Variants in ATP11B observed in about 807,000 individuals in gnomAD.
ATP11B encodes phospholipid-transporting ATPase IF.
ATP11B carries 81 observed loss-of-function variants against 157.8 expected under a neutral mutation model. The observed-to-expected ratio is 0.51, with a 90% CI of 0.43 to 0.62. ATP11B has a LOEUF of 0.62. Ranked by LOEUF, ATP11B falls within the 20% of genes least tolerant of loss-of-function variation. ATP11B has a pLI of 0.00. For missense variants in ATP11B, 1,165 were observed against 1,402.2 expected (o/e 0.83, Z 2.70); for synonymous variants, 451 against 469.4 (o/e 0.96, Z 0.51).
At position 182,895,504 on chromosome 3, in the gene ATP11B, T is replaced by C. The variant is rs111596193; in HGVS notation, c.2983-1196T>C. Among the ~76,000 whole-genome samples the C allele has an allele frequency of 3.3e-3, 498 of 152,304 alleles. 6 individuals carry two copies. Among genetic ancestry groups the C allele is most frequent in the African/African-American group, 0.012 (482 of 41,568 alleles). ...GTGAGATATAGAGAGGTTAAGTAAT[T>C]TGTTAAGTAAATGATAATTGTTAGA... is the stretch of plus-strand genomic sequence containing the variant. On this transcript the variant is annotated intron_variant, in intron 25 of 29. Coordinates refer to ENST00000323116, the MANE Select transcript of ATP11B (RefSeq NM_014616.3).
chr3:182,902,562 CTT>C (rs753533698), intron 28 of ATP11B: 309 of 1,289,014 alleles, frequency 2.4e-4, no homozygotes, highest in Non-Finnish European at 3.0e-4. Context: ...GCTGAGCAAA[CTT>C]AGGTAGAGTA....
chr3:182,824,949 C>T (rs1717615706), intron 2 of ATP11B, among the ~76,000 whole-genome samples: 1 of 152,204 alleles, frequency 6.6e-6, no homozygotes, highest in South Asian at 2.1e-4. Context: ...AGGTAGAATT[C>T]ATATCTTTGA....
Position 182,915,653 on chromosome 3 carries a change from A to G in ATP11B, c.3452+1659A>G, listed in dbSNP as rs1235817293. ...CTAGAATTAATTTTAAATGAGCCCC[A>G]GATTTTTTCTGCTATATACATATAT... On this transcript the variant is annotated intron_variant, in intron 29 of 29. Transcript: ENST00000323116. The G allele has an allele frequency of 8.3e-6, 8 of 967,134 alleles. No homozygotes were observed. The East Asian group carries it at 8.0e-4, about 97-fold the overall frequency. The allele number at this position is 967,134 out of a possible 1,614,324, so 59.9% of individuals were successfully genotyped here.
chr3:182,877,924 C>G (rs1343654359), intron 19 of ATP11B, among the ~76,000 whole-genome samples: 1 of 152,092 alleles, frequency 6.6e-6, no homozygotes, highest in Non-Finnish European at 1.5e-5. Context: ...TTTCATGTGC[C>G]TTGGGAACTT....
chr3:182,828,503 C>G (rs1717880468), intron 3 of ATP11B, among the ~76,000 whole-genome samples: 1 of 151,952 alleles, frequency 6.6e-6, no homozygotes, highest in African/African-American at 2.4e-5. Flanking sequence ...GATATTCTGC[C>G]TCAGAACATA....
chr3:182,822,498 T>C (rs149629318), intron 2 of ATP11B, among the ~76,000 whole-genome samples: 3,093 of 152,358 alleles, frequency 0.02, 100 homozygotes, highest in African/African-American at 0.072. Flanking sequence ...GTGCCACATT[T>C]TCTTAATCCA....
chr3:182,881,075 A>G (rs796406), intron 21 of ATP11B, 94 bp downstream of exon 21: 612,630 of 828,860 alleles, frequency 0.74, 229,653 homozygotes, highest in Non-Finnish European at 0.78. Context: ...ATTAAAGTAC[A>G]GTATCAAATT....
intron 19 of ATP11B, among the ~76,000 whole-genome samples, chr3:182,878,982 T>G (rs145949849): frequency 1.3e-5 from 2 of 152,144 alleles, no homozygotes; most frequent in Non-Finnish European, 2.9e-5. Flanking sequence ...ATTGTAAAAT[T>G]GAATATTAGG....
At chr3:182,908,163 A>G (rs1724504416) in intron 28 of ATP11B, among the ~76,000 whole-genome samples, 1 of 143,430 alleles carries the variant, frequency 7.0e-6, no homozygotes, top group Non-Finnish European at 1.5e-5. Context: ...AAATAAATTT[A>G]CCGAATCAAT....
intron 28 of ATP11B, among the ~76,000 whole-genome samples, chr3:182,904,003 C>T (rs1035001634): frequency 1.4e-4 from 21 of 152,150 alleles, no homozygotes; most frequent in African/African-American, 4.6e-4. Context: ...TTCTGTAATA[C>T]TCTAATAAAA....
chr3:182,816,952 G>A (rs1426436320), intron 1 of ATP11B, among the ~76,000 whole-genome samples: 2 of 152,102 alleles, frequency 1.3e-5, no homozygotes, highest in East Asian at 3.8e-4. Context: ...GAAGTTATAA[G>A]TTTAATTTCC....
intron 1 of ATP11B, among the ~76,000 whole-genome samples, chr3:182,803,515 A>G (rs1240458295): frequency 6.6e-6 from 1 of 152,156 alleles, no homozygotes; most frequent in Non-Finnish European, 1.5e-5. Context: ...TTGTAGGTAA[A>G]TTTATTAGAC....
At chr3:182,899,602 G>A (rs1226452167) in intron 28 of ATP11B, among the ~76,000 whole-genome samples, 1 of 152,110 alleles carries the variant, frequency 6.6e-6, no homozygotes, top group Non-Finnish European at 1.5e-5. Flanking sequence ...AATATTAGCA[G>A]TATGTTACAT....
intron 4 of ATP11B, among the ~76,000 whole-genome samples, chr3:182,834,742 C>T (rs1718412033): frequency 6.6e-6 from 1 of 152,266 alleles, no homozygotes; most frequent in South Asian, 2.1e-4. Flanking sequence ...TAGTGATGAT[C>T]CATACAGGCT....
In ATP11B at chr3:182,818,101, T is replaced by A. The variant is rs868070283; in HGVS notation, c.28-2159T>A. 5.8e-4 allele frequency among the ~76,000 whole-genome samples: 89 copies of A among 152,302 alleles called. 1 individual carries two copies. Among genetic ancestry groups the A allele is most frequent in the Middle Eastern group, 6.8e-3 (2 of 294 alleles). ...TTGAGTTGAGCTGAAAGCAGAGTGA[T>A]GCTGGAGAGAAAGATGGCAGAAAGC... On this transcript the variant is annotated intron_variant, in intron 1 of 29. Coordinates refer to ENST00000323116, the MANE Select transcript of ATP11B (RefSeq NM_014616.3).
At chr3:182,905,696 A>G (rs1724296247) in intron 28 of ATP11B, 5 of 444,566 alleles carry the variant, frequency 1.1e-5, no homozygotes, top group South Asian at 6.3e-5. Context: ...TTTGTGCCTC[A>G]GATTGTGAAT....
intron 1 of ATP11B, among the ~76,000 whole-genome samples, chr3:182,795,787 C>CT (rs1025781598): frequency 2.6e-5 from 4 of 152,202 alleles, no homozygotes; most frequent in Non-Finnish European, 5.9e-5. Flanking sequence ...TCATAGACAG[C>CT]TATTCTGATT....
chr3:182,900,909 T>G (rs749310603), intron 28 of ATP11B, among the ~76,000 whole-genome samples: 2 of 151,492 alleles, frequency 1.3e-5, no homozygotes, highest in African/African-American at 2.4e-5. Context: ...AGGCCAGGCA[T>G]GGTGGCTCAC....
At chr3:182,862,011 C>T (rs929285400) in intron 12 of ATP11B, among the ~76,000 whole-genome samples, 3 of 151,570 alleles carry the variant, frequency 2.0e-5, no homozygotes, top group Admixed American at 6.6e-5. Context: ...TTTGGGAGGC[C>T]AAGGTGGGTA....
Sources: allele counts gnomAD v4.1 joint callset (sites outside exome capture counted in the v4.1 genomes callset), GRCh38; gene constraint gnomAD v4.1.1; transcripts MANE v1.5; gene names NCBI Gene and HGNC (gene_info 2026-07-23, HGNC 2026-07-21).